Variants in TMTC3 observed in about 807,000 individuals in gnomAD.
TMTC3 encodes the protein transmembrane O-mannosyltransferase targeting cadherins 3.
A neutral mutation model predicts 92.2 loss-of-function variants in TMTC3; 52 were observed. The observed-to-expected ratio is 0.56, with a 90% CI of 0.45 to 0.71. The LOEUF is 0.71. Ranked by LOEUF, TMTC3 falls within the 30% of genes least tolerant of loss-of-function variation. TMTC3 has a pLI of 0.00. For synonymous variants in TMTC3, 339 were observed against 363.3 expected, an observed-to-expected ratio of 0.93 and a Z score of 0.76; for missense variants, 896 against 1,057.1, an observed-to-expected ratio of 0.85 and a Z score of 2.11.
intron 10 of TMTC3, among the ~76,000 whole-genome samples, chr12:88,186,857 C>G (rs980689290): frequency 2.0e-5 from 3 of 152,044 alleles, no homozygotes; most frequent in Non-Finnish European, 2.9e-5. Flanking sequence ...CATAGGGCTG[C>G]TATACTCTAG....
chr12:88,167,573 A>G (rs926372719), intron 7 of TMTC3, among the ~76,000 whole-genome samples: 1 of 152,176 alleles, frequency 6.6e-6, no homozygotes, highest in African/African-American at 2.4e-5. Context: ...CCCTTTGTAC[A>G]GTGCAGCATT....
intron 1 of TMTC3, among the ~76,000 whole-genome samples, chr12:88,144,835 A>C (rs1246879825): frequency 6.6e-6 from 1 of 152,224 alleles, no homozygotes; most frequent in Non-Finnish European, 1.5e-5. Context: ...CTCAGGTTCT[A>C]GTTCAATAAC....
chr12:88,172,640 T>G lies in TMTC3; in HGVS notation c.1094T>G (p.Leu365Arg). 1 of 1,551,946 alleles carries G rather than the reference T, an allele frequency of 6.4e-7. No homozygotes were observed. The highest frequency in any genetic ancestry group is 8.7e-7 in the Non-Finnish European group (1 of 1,149,068). The change falls in exon 8 of 14, where the codon CTT becomes CGT. Residue 365 changes from leucine (L) to arginine (R), a missense_variant. Leu to Arg is a moderately radical substitution (Grantham distance 102). Coordinates refer to ENST00000266712, the MANE Select transcript of TMTC3 (RefSeq NM_181783.4). Reference sequence around the variant, plus strand: ...TTACCATTTATTCCTGCATCGAACCTTTTTTTTCCAGTTGGATTTGTTGTT... The same window carrying G: ...TTACCATTTATTCCTGCATCGAACCGTTTTTTTCCAGTTGGATTTGTTGTT... ...MALPFIPASN[L>R]FFPVGFVVAE...
In TMTC3 at chr12:88,198,083, A is replaced by G; in HGVS notation, c.*2434A>G. 2.7e-6 allele frequency: 1 copy of G among 370,738 alleles called. No homozygotes were observed. The highest frequency in any genetic ancestry group is 4.8e-6 in the Non-Finnish European group (1 of 208,736). The allele number at this position is 370,738 out of a possible 1,614,324, so 23.0% of individuals were successfully genotyped here. A position where few individuals can be genotyped will look rare whatever the true frequency, so the allele number is the denominator to read the frequency against. On this transcript the variant is annotated 3_prime_UTR_variant, in exon 14 of 14. Transcript: ENST00000266712. ...ATTCTTCTAATAACTAGCATTTATT[A>G]CATGAAATTTAAGAGTTTAAGTTCC...
At chr12:88,189,228 G>T (rs1301645584) in intron 11 of TMTC3, among the ~76,000 whole-genome samples, 1 of 151,658 alleles carries the variant, frequency 6.6e-6, no homozygotes, top group African/African-American at 2.4e-5. Context: ...CAAGTAGCTG[G>T]GACTACAGGT....
intron 2 of TMTC3, 137 bp downstream of exon 2, chr12:88,148,641 G>A (rs1198152703): frequency 6.3e-6 from 4 of 634,872 alleles, no homozygotes; most frequent in Admixed American, 3.5e-5. Context: ...TATATGAAAC[G>A]TAACATGTTT....
rs2041410323 is a variant in TMTC3, at chr12:88,189,021, ATCTT to A, written c.1536+77_1536+80del. On this transcript the variant is annotated intron_variant, in intron 11 of 13. Coordinates refer to ENST00000266712, the MANE Select transcript of TMTC3 (RefSeq NM_181783.4). ...TTGAATAGAATTATCTAGAAGGAAA[ATCTT>A]TATCTTTTCTTCAGTTAGTTGATAT... The A allele has an allele frequency of 1.7e-5, 13 of 783,248 alleles. No homozygotes were observed. In the Admixed American group the frequency reaches 3.0e-4, roughly 18 times the overall value. 48.5% of individuals were successfully genotyped at this position (783,248 alleles called of 1,614,324 possible).
At chr12:88,153,615 C>A in intron 3 of TMTC3, 106 bp downstream of exon 3, 1 of 580,172 alleles carries the variant, frequency 1.7e-6, no homozygotes, top group Non-Finnish European at 2.8e-6. Flanking sequence ...TTAACCCTGA[C>A]TTTAATCCAA....
At chr12:88,152,877 C>G (rs943184216) in intron 2 of TMTC3, among the ~76,000 whole-genome samples, 1 of 152,160 alleles carries the variant, frequency 6.6e-6, no homozygotes, top group Non-Finnish European at 1.5e-5. Context: ...TCTGTTCTTA[C>G]ATTTCCTTTT....
At chr12:88,181,909 A>T (rs981092000) in intron 10 of TMTC3, among the ~76,000 whole-genome samples, 1 of 152,202 alleles carries the variant, frequency 6.6e-6, no homozygotes, top group Non-Finnish European at 1.5e-5. Flanking sequence ...GGAGTGAACT[A>T]CTTGTGTAGA....
chr12:88,165,701 T>C (rs1380017219), intron 6 of TMTC3, among the ~76,000 whole-genome samples: 1 of 152,058 alleles, frequency 6.6e-6, no homozygotes, highest in African/African-American at 2.4e-5. Context: ...TATATTAGTA[T>C]TTACTAAGAG....
At chr12:88,179,000 T>C (rs2041288684) in intron 10 of TMTC3, among the ~76,000 whole-genome samples, 1 of 152,220 alleles carries the variant, frequency 6.6e-6, no homozygotes, top group African/African-American at 2.4e-5. Context: ...CCCCTCATTG[T>C]CAATTGTCAC....
At chr12:88,157,563 A>G (rs1268641212) in intron 4 of TMTC3, among the ~76,000 whole-genome samples, 7 of 151,812 alleles carry the variant, frequency 4.6e-5, no homozygotes, top group Admixed American at 3.9e-4. Context: ...TTTTTTCTCT[A>G]TAACACTTAA....
chr12:88,165,066 C>G (rs886503984), intron 6 of TMTC3, among the ~76,000 whole-genome samples: 1 of 151,876 alleles, frequency 6.6e-6, no homozygotes, highest in African/African-American at 2.4e-5. Context: ...TTCTATTTCC[C>G]TATCTACAGT....
intron 2 of TMTC3, 52 bp downstream of exon 2, chr12:88,148,556 C>G (rs1459354138): frequency 1.5e-6 from 2 of 1,335,972 alleles, no homozygotes; most frequent in Admixed American, 2.2e-5. Context: ...TTGAAATATT[C>G]TGGTATTTTA....
chr12:88,155,438 T>C (rs2040995701), intron 4 of TMTC3, among the ~76,000 whole-genome samples: 1 of 152,134 alleles, frequency 6.6e-6, no homozygotes, highest in Non-Finnish European at 1.5e-5. Flanking sequence ...AGTTAGAAAA[T>C]ACTGTGGCCT....
At chr12:88,161,452 A>G (rs1455152980) in intron 6 of TMTC3, among the ~76,000 whole-genome samples, 1 of 152,098 alleles carries the variant, frequency 6.6e-6, no homozygotes, top group East Asian at 1.9e-4. Flanking sequence ...TTATTTATAA[A>G]GAGGATTTCT....
chr12:88,163,426 G>A (rs2041103453), intron 6 of TMTC3, among the ~76,000 whole-genome samples: 1 of 151,742 alleles, frequency 6.6e-6, no homozygotes, highest in Non-Finnish European at 1.5e-5. Flanking sequence ...TTGCCTGATT[G>A]TATTAGTTTT....
intron 6 of TMTC3, 99 bp from the exon 7 acceptor site, chr12:88,166,231 A>G: frequency 8.5e-7 from 1 of 1,174,362 alleles, no homozygotes. Flanking sequence ...GTTTAATAAG[A>G]TGATATATAA....
Sources: allele counts gnomAD v4.1 joint callset (sites outside exome capture counted in the v4.1 genomes callset), GRCh38; gene constraint gnomAD v4.1.1; transcripts MANE v1.5; gene names NCBI Gene and HGNC (gene_info 2026-07-23, HGNC 2026-07-21).